Variants in DDX52 observed in about 807,000 individuals in gnomAD.
DDX52 encodes the protein DExD-box helicase 52, also known as probable ATP-dependent RNA helicase DDX52.
In DDX52, 59 loss-of-function variants were observed where a neutral mutation model predicts 76.1. The ratio of observed to expected loss-of-function variants is 0.78; its 90% CI spans 0.63 to 0.96. The LOEUF (loss-of-function observed/expected upper bound fraction) is 0.96, where lower values mean the gene tolerates loss of function less well. Among genes scored for constraint, DDX52 ranks in the 40% least tolerant of loss-of-function variants. DDX52 has a pLI of 0.00. For missense variants in DDX52, 707 were observed against 703.9 expected (o/e 1.00, Z -0.05); for synonymous variants, 231 against 244.1 (o/e 0.95, Z 0.50).
At chr17:37,620,390 T>C (rs962932947) in intron 12 of DDX52, 5 of 162,424 alleles carry the variant, frequency 3.1e-5, no homozygotes, top group African/African-American at 1.2e-4. Context: ...ACACGCACAT[T>C]TGAATCTGCT....
At chr17:37,639,508 T>C (rs1441067936) in intron 2 of DDX52, 1 of 940,072 alleles carries the variant, frequency 1.1e-6, no homozygotes, top group South Asian at 4.2e-5. Flanking sequence ...GAGCCCAAGG[T>C]GGGTGAATCA....
intron 2 of DDX52, among the ~76,000 whole-genome samples, chr17:37,639,032 A>C (rs2031063493): frequency 6.6e-6 from 1 of 152,112 alleles, no homozygotes; most frequent in Admixed American, 6.5e-5. Flanking sequence ...TCCGCCTCCC[A>C]AAGTGTTGGG....
At position 37,619,813 on chromosome 17, in the gene DDX52, C is replaced by T. The variant is rs1256980721; in HGVS notation, c.1604G>A (p.Gly535Glu). 6.2e-7 allele frequency: 1 copy of T among 1,613,842 alleles called. No individual in the cohort carries two copies. The highest frequency in any genetic ancestry group is 8.5e-7 in the Non-Finnish European group (1 of 1,179,930). ...TTTTATGTATTCTGGTACAGGACAC[C>T]CAGCCTGCTGTATAACATTAGCAAC... ...RSVANVIQQA[G>E]CPVPEYIKGF... The change falls in exon 13 of 15, where the codon GGG (glycine) becomes GAG (glutamate). Residue 535 changes from glycine to glutamate, a missense_variant. Transcript: ENST00000617633.
intron 1 of DDX52, 66 bp downstream of exon 1, chr17:37,643,268 G>A: frequency 1.3e-6 from 2 of 1,528,808 alleles, no homozygotes; most frequent in South Asian, 2.3e-5. Flanking sequence ...TCCCCCAGCA[G>A]CGGGTTCATT....
chr17:37,625,919 A>G lies in DDX52; in HGVS notation c.1112T>C (p.Val371Ala). The change falls in exon 8 of 15, where the codon GTC becomes GCC. Residue 371 changes from valine (V) to alanine (A), a missense_variant. Coordinates refer to ENST00000617633, the MANE Select transcript of DDX52 (RefSeq NM_007010.5). ...CCTTGCTCCAATGGACACACTGATG[A>G]CATTGTCCAGGTTGAGTTTGCACCA... ...EQWCKLNLDN[V>A]ISVSIGARNS... 6.2e-7 allele frequency: 1 copy of G among 1,614,140 alleles called. No individual in the cohort carries two copies. The highest frequency in any genetic ancestry group is 8.5e-7 in the Non-Finnish European group (1 of 1,179,984).
At position 37,611,965 on chromosome 17, in the gene DDX52, A is replaced by C. The variant is rs550182855; in HGVS notation, c.*2331T>G. 3.4e-5 allele frequency: 5 copies of C among 149,206 alleles called. No individual in the cohort carries two copies. Among genetic ancestry groups the C allele is most frequent in the East Asian group, 1.9e-4 (1 of 5,156 alleles). 9.2% of individuals were successfully genotyped at this position (149,206 alleles called of 1,614,324 possible). A position where few individuals can be genotyped will look rare whatever the true frequency, so the allele number is the denominator to read the frequency against. On this transcript the variant is annotated 3_prime_UTR_variant, in exon 15 of 15. Coordinates refer to ENST00000617633, the MANE Select transcript of DDX52 (RefSeq NM_007010.5). ...AACAGACCCTGTTTCTCAAAAAAAAAAAAAAAAACAAAACAAAAAAACTCA... is the reference window on the plus strand; with the variant it reads ...AACAGACCCTGTTTCTCAAAAAAAACAAAAAAAACAAAACAAAAAAACTCA...
chr17:37,612,014 AAGGTT>A lies in DDX52; in HGVS notation c.*2277_*2281del, dbSNP rs1410359560. 6 of 149,214 alleles carry A rather than the reference AAGGTT, an allele frequency of 4.0e-5. No homozygotes were observed. Among genetic ancestry groups the A allele is most frequent in the Non-Finnish European group, 5.9e-5 (4 of 67,440 alleles). 9.2% of individuals were successfully genotyped at this position (149,214 alleles called of 1,614,324 possible). ...CATAAAGTAAAAGTTACAGTAAGCT[AAGGTT>A]AATTTATTGAAGAAAAAATATATAT... is the stretch of plus-strand genomic sequence containing the variant. On this transcript the variant is annotated 3_prime_UTR_variant, in exon 15 of 15. Transcript: ENST00000617633.
chr17:37,628,623 T>C lies in DDX52; in HGVS notation c.797A>G (p.His266Arg), dbSNP rs776867242. Residue 266 changes from histidine to arginine, a missense_variant, in exon 6 of 15, where the codon CAC (histidine) becomes CGC (arginine). Coordinates refer to ENST00000617633, the MANE Select transcript of DDX52 (RefSeq NM_007010.5). ...TGCCACTGCTGCTTTGTGGATCATG[T>C]GTATTCTGAATCCTGTTCCCTCAGA... The part of the protein sequence containing the change: ...KISEGTGFRI[H>R]MIHKAAVAAK... 50 of 1,610,748 alleles carry C rather than the reference T, an allele frequency of 3.1e-5. No individual in the cohort carries two copies. The highest frequency in any genetic ancestry group is 3.3e-4 in the Middle Eastern group (2 of 6,078).
intron 1 of DDX52, 25 bp downstream of exon 1, chr17:37,643,309 G>T: frequency 6.2e-7 from 1 of 1,603,584 alleles, no homozygotes; most frequent in Non-Finnish European, 8.5e-7. Context: ...CAGTTACTCG[G>T]CCCTCGGTCC....
intron 1 of DDX52, chr17:37,642,649 G>C: frequency 3.8e-6 from 1 of 265,376 alleles, no homozygotes; most frequent in Non-Finnish European, 7.1e-6. Context: ...ACTTGAGGTA[G>C]GTCTAAAAAT....
rs1352225009 is a variant in DDX52, at chr17:37,624,406, CTTG to C, written c.1162_1164del (p.Gln388del). ...GTCTCAGATCCAACAAAGAGAAGCT[CTTG>C]TTCTACAGTTTCTACTGCAGAATTC... On this transcript the variant is annotated inframe_deletion, in exon 9 of 15. Coordinates refer to ENST00000617633, the MANE Select transcript of DDX52 (RefSeq NM_007010.5). 3.1e-6 allele frequency: 5 copies of C among 1,606,882 alleles called. No homozygotes were observed. The highest frequency in any genetic ancestry group is 3.4e-5 in the Admixed American group (2 of 59,642).
At chr17:37,620,167 C>CT (rs1392154612) in intron 12 of DDX52, 1 of 262,264 alleles carries the variant, frequency 3.8e-6, no homozygotes, top group Non-Finnish European at 7.3e-6. Flanking sequence ...AAAGTGCCTA[C>CT]TATGGGGTTG....
At position 37,612,655 on chromosome 17, in the gene DDX52, C is replaced by T. The variant is rs2064381492; in HGVS notation, c.*1641G>A. Reference sequence around the variant, plus strand: ...ATTAAGTGATGCGTGACTCTATTTGCTCCTTTATCTCTAACATTACATTGT... The same window carrying T: ...ATTAAGTGATGCGTGACTCTATTTGTTCCTTTATCTCTAACATTACATTGT... On this transcript the variant is annotated 3_prime_UTR_variant, in exon 15 of 15. Coordinates refer to ENST00000617633, the MANE Select transcript of DDX52 (RefSeq NM_007010.5). 1 of 152,180 alleles carries T rather than the reference C, an allele frequency of 6.6e-6. No homozygotes were observed. The highest frequency in any genetic ancestry group is 1.5e-5 in the Non-Finnish European group (1 of 68,022). 9.4% of individuals were successfully genotyped at this position (152,180 alleles called of 1,614,324 possible).
chr17:37,635,552 G>A (rs780828037), intron 2 of DDX52: 28 of 451,494 alleles, frequency 6.2e-5, no homozygotes, highest in South Asian at 1.9e-4. Flanking sequence ...ACAACTTACC[G>A]TTTTATTACT....
intron 4 of DDX52, 36 bp downstream of exon 4, chr17:37,632,077 A>G: frequency 6.2e-7 from 1 of 1,612,134 alleles, no homozygotes; most frequent in South Asian, 1.1e-5. Context: ...ACACAGAGGA[A>G]GGAATGTTAC....
chr17:37,637,355 T>A (rs2030981015), intron 2 of DDX52, among the ~76,000 whole-genome samples: 1 of 151,186 alleles, frequency 6.6e-6, no homozygotes, highest in South Asian at 2.1e-4. Flanking sequence ...GGTTTCGAAC[T>A]CCTAACCTCA....
chr17:37,630,634 ACT>A (rs1343261195), intron 4 of DDX52, among the ~76,000 whole-genome samples: 1 of 147,822 alleles, frequency 6.8e-6, no homozygotes, highest in African/African-American at 2.5e-5. Context: ...TCAAAAACTC[ACT>A]GTGTTTTTTT....
Position 37,612,594 on chromosome 17 carries a change from C to T in DDX52, c.*1702G>A, listed in dbSNP as rs1411090459. On this transcript the variant is annotated 3_prime_UTR_variant, in exon 15 of 15. Transcript: ENST00000617633. ...CATGATGTTTACACAATGACAATAT[C>T]ACCTAACGATGCATTTCTCAGAACA... The T allele has an allele frequency of 5.9e-5, 9 of 152,136 alleles. No homozygotes were observed. Among genetic ancestry groups the T allele is most frequent in the Non-Finnish European group, 1.5e-5 (1 of 68,024 alleles). 9.4% of individuals were successfully genotyped at this position (152,136 alleles called of 1,614,324 possible). A position where few individuals can be genotyped will look rare whatever the true frequency, so the allele number is the denominator to read the frequency against.
chr17:37,628,516 G>A (rs765477140), intron 6 of DDX52, 45 bp downstream of exon 6: 8 of 1,428,578 alleles, frequency 5.6e-6, no homozygotes, highest in Non-Finnish European at 7.8e-6. Flanking sequence ...ATAATTTCCA[G>A]ATTCCTTACA....
Sources: allele counts gnomAD v4.1 joint callset (sites outside exome capture counted in the v4.1 genomes callset), GRCh38; gene constraint gnomAD v4.1.1; transcripts MANE v1.5; gene names NCBI Gene and HGNC (gene_info 2026-07-23, HGNC 2026-07-21).